RTL4: variants seen among roughly 807,000 people sequenced by gnomAD.
RTL4 encodes retrotransposon Gag-like protein 4.
In RTL4, 4 loss-of-function variants were observed where a neutral mutation model predicts 5.3. That is an observed-to-expected ratio of 0.75 (90% CI 0.37 to 1.72). The LOEUF (loss-of-function observed/expected upper bound fraction) is 1.72. Ranked by LOEUF, RTL4 falls within the 40% of genes most tolerant of loss-of-function variation. The pLI is 0.04. For synonymous variants in RTL4, 98 were observed against 87.3 expected, an observed-to-expected ratio of 1.12 and a Z score of -0.68; for missense variants, 260 against 227.1, an observed-to-expected ratio of 1.14 and a Z score of -0.93.
the RTL4 span, among the ~76,000 whole-genome samples, chrX:112,332,532 G>A: frequency 5.4e-5 from 6 of 110,285 alleles, no homozygotes; most frequent in African/African-American, 2.0e-4. Context: ...TCCTTTGTAG[G>A]GACATGGATG....
At chrX:112,345,178 G>A in the RTL4 span, among the ~76,000 whole-genome samples, 7 of 111,140 alleles carry the variant, frequency 6.3e-5, no homozygotes, top group Admixed American at 5.7e-4. Context: ...CCTTATGTCC[G>A]TTGTGGGCTG....
the RTL4 span, among the ~76,000 whole-genome samples, chrX:112,212,869 T>C: frequency 9.7e-3 from 1,088 of 112,452 alleles, 10 homozygotes; most frequent in Middle Eastern, 0.028. Context: ...GAAGCTGCTA[T>C]ACATAATTAC....
chrX:112,236,509 A>ATATCTATATATAGATATAGATC, the RTL4 span, among the ~76,000 whole-genome samples: 1 of 80,960 alleles, frequency 1.2e-5, no homozygotes, highest in African/African-American at 4.8e-5. Flanking sequence ...AGATATAGAT[A>ATATCTATATATAGATATAGATC]TATATAAAAT....
At chrX:112,157,889 A>G in the RTL4 span, among the ~76,000 whole-genome samples, 7 of 112,077 alleles carry the variant, frequency 6.2e-5, no homozygotes, top group African/African-American at 2.3e-4. Context: ...AGTTTAGTCC[A>G]GTCTGGCTGT....
chrX:112,286,130 T>A, the RTL4 span, among the ~76,000 whole-genome samples: 3 of 111,867 alleles, frequency 2.7e-5, no homozygotes, highest in African/African-American at 9.7e-5. Context: ...AAAGTCTCTC[T>A]GAGAAAACAC....
At chrX:112,240,671 T>A in the RTL4 span, among the ~76,000 whole-genome samples, 1 of 111,380 alleles carries the variant, frequency 9.0e-6, no homozygotes, top group South Asian at 3.8e-4. Context: ...AGATCATTTG[T>A]ATTTATTTAT....
At chrX:112,335,930 C>T in the RTL4 span, among the ~76,000 whole-genome samples, 9 of 109,745 alleles carry the variant, frequency 8.2e-5, no homozygotes, top group Non-Finnish European at 1.5e-4. Context: ...GCAAGCTCCG[C>T]CTCCCAGATT....
chrX:112,131,984 G>A, the RTL4 span, among the ~76,000 whole-genome samples: 3 of 111,313 alleles, frequency 2.7e-5, no homozygotes, highest in South Asian at 3.8e-4. Context: ...TTTTATAAAC[G>A]AAGAAAGAGG....
the RTL4 span, among the ~76,000 whole-genome samples, chrX:112,388,532 G>A: frequency 8.9e-6 from 1 of 112,347 alleles, no homozygotes; most frequent in South Asian, 3.7e-4. Context: ...CATTCAGTAT[G>A]ATGTTGGTTG....
chrX:112,428,784 A>G, the RTL4 span, among the ~76,000 whole-genome samples: 1 of 111,579 alleles, frequency 9.0e-6, no homozygotes, highest in Admixed American at 9.6e-5. Flanking sequence ...GGATTCATCT[A>G]TTTCTTCTTG....
chrX:112,440,568 T>C, the RTL4 span, among the ~76,000 whole-genome samples: 9 of 111,975 alleles, frequency 8.0e-5, no homozygotes, highest in African/African-American at 1.6e-4. Context: ...CTAGAGGGTG[T>C]TGGATACAAA....
the RTL4 span, among the ~76,000 whole-genome samples, chrX:112,327,847 A>G: frequency 9.0e-6 from 1 of 111,594 alleles, no homozygotes; most frequent in Non-Finnish European, 1.9e-5. Context: ...GTTGGGGCCA[A>G]TATTCAACAT....
At chrX:112,443,985 C>G in the RTL4 span, among the ~76,000 whole-genome samples, 1 of 111,669 alleles carries the variant, frequency 9.0e-6, no homozygotes, top group Admixed American at 9.6e-5. Context: ...GTCGCCTATG[C>G]TTGTGGAGTA....
chrX:112,328,564 C>A, the RTL4 span, among the ~76,000 whole-genome samples: 2 of 111,523 alleles, frequency 1.8e-5, no homozygotes, highest in Admixed American at 9.5e-5. Context: ...TAATGGGAGA[C>A]TTTAACACCC....
chrX:112,215,039 C>T, the RTL4 span, among the ~76,000 whole-genome samples: 7 of 111,645 alleles, frequency 6.3e-5, no homozygotes, highest in South Asian at 3.8e-4. Context: ...CCACCCACCT[C>T]GGCCTCCCAA....
At chrX:112,088,430 T>C in the RTL4 span, among the ~76,000 whole-genome samples, 2 of 111,983 alleles carry the variant, frequency 1.8e-5, no homozygotes, top group African/African-American at 6.5e-5. Context: ...ATTGTATAGA[T>C]ATAATATATT....
the RTL4 span, among the ~76,000 whole-genome samples, chrX:112,201,794 A>G: frequency 8.9e-6 from 1 of 111,820 alleles, no homozygotes; most frequent in African/African-American, 3.3e-5. Flanking sequence ...GGATAATTGA[A>G]GCTACGTGCT....
At chrX:112,339,590 G>T in the RTL4 span, among the ~76,000 whole-genome samples, 4,951 of 112,286 alleles carry the variant, frequency 0.044, 264 homozygotes, top group African/African-American at 0.15. Context: ...TAAGAACCAT[G>T]TAAGCATGAG....
the RTL4 span, among the ~76,000 whole-genome samples, chrX:112,419,956 T>C: frequency 2.7e-5 from 3 of 110,095 alleles, no homozygotes; most frequent in African/African-American, 9.9e-5. Flanking sequence ...GCAGAGAAAA[T>C]TACATTCACA....
Sources: allele counts gnomAD v4.1 joint callset (sites outside exome capture counted in the v4.1 genomes callset), GRCh38; gene constraint gnomAD v4.1.1; transcripts MANE v1.5; gene names NCBI Gene and HGNC (gene_info 2026-07-23, HGNC 2026-07-21).